Variants in SIL1 observed in about 807,000 individuals in gnomAD.
SIL1 encodes SIL1 nucleotide exchange factor.
A neutral mutation model predicts 49.1 loss-of-function variants in SIL1; 40 were observed. That is an observed-to-expected ratio of 0.81 (90% CI 0.63 to 1.06). The LOEUF (loss-of-function observed/expected upper bound fraction) is 1.06, where lower values mean the gene tolerates loss of function less well. SIL1 is among the 50% of genes least tolerant of loss of function. The pLI, the probability that SIL1 is intolerant of heterozygous loss-of-function variation, is 0.00. For missense variants in SIL1, 500 were observed against 572.6 expected (o/e 0.87, Z 1.29); for synonymous variants, 253 against 250.8 (o/e 1.01, Z -0.08).
chr5:139,100,341 G>T (rs1044784831), intron 3 of SIL1, among the ~76,000 whole-genome samples: 1 of 152,204 alleles, frequency 6.6e-6, no homozygotes, highest in Non-Finnish European at 1.5e-5. Context: ...ACAGCCTGAT[G>T]TGTTTAGGGA....
chr5:139,013,556 T>G (rs1768331789), intron 7 of SIL1: 1 of 148,372 alleles, frequency 6.7e-6, no homozygotes, highest in African/African-American at 2.5e-5. Flanking sequence ...ATATTTGCTT[T>G]AGAATTTCTC....
Position 138,956,828 on chromosome 5 carries a change from C to CA in SIL1, c.768-4945dup, listed in dbSNP as rs1324874861. Among the ~76,000 whole-genome samples, 19 of 150,556 alleles carry CA rather than the reference C, an allele frequency of 1.3e-4. No homozygotes were observed. The East Asian group carries it at 1.6e-3, about 12-fold the overall frequency. On this transcript the variant is annotated intron_variant, in intron 7 of 9. Transcript: ENST00000394817. ...CAACAACAAAAAACAAAAAACAAAA[C>CA]AAAAAAAACACTGTACAAATCTTCC... is the stretch of plus-strand genomic sequence containing the variant.
intron 7 of SIL1, among the ~76,000 whole-genome samples, chr5:138,954,395 C>T (rs1271127192): frequency 1.3e-5 from 2 of 152,266 alleles, no homozygotes; most frequent in East Asian, 1.9e-4. Context: ...TGCCTGGCCT[C>T]TTCACATGAT....
rs552155872 is a variant in SIL1 at position 138,947,763 on chromosome 5, A to G, written c.1030-290T>C. ...GGAGAATAAAAATTAACTAATTCCC[A>G]AATAGCATAAATGTAATCTAACAGT... On this transcript the variant is annotated intron_variant, in intron 9 of 9. Transcript: ENST00000394817. This position sits in a 1 kb window ranked among gnomAD's most constrained non-coding sequence, Gnocchi z 4.1. 6.6e-5 allele frequency among the ~76,000 whole-genome samples: 10 copies of G among 152,196 alleles called. No homozygotes were observed. The highest frequency in any genetic ancestry group is 1.3e-4 in the Admixed American group (2 of 15,276).
chr5:139,145,635 T>C (rs959300517), intron 1 of SIL1, among the ~76,000 whole-genome samples: 2 of 5,744 alleles, frequency 3.5e-4, no homozygotes, highest in Non-Finnish European at 5.5e-4. Flanking sequence ...GGGGCGTGTG[T>C]GTGTGTGTGT....
chr5:139,046,877 C>T (rs1769178208), intron 4 of SIL1, among the ~76,000 whole-genome samples: 1 of 152,224 alleles, frequency 6.6e-6, no homozygotes, highest in African/African-American at 2.4e-5. Flanking sequence ...CCAATACTTT[C>T]ATGTTTTAGA....
rs372892039 is a variant in SIL1 at position 139,120,989 on chromosome 5, T to C, written c.244+46A>G. On this transcript the variant is annotated intron_variant, in intron 3 of 9. Transcript: ENST00000394817. ...CTCTGGGGACAAAGGACATATGCAGTTTGAATTCAAAGTGTGTTTTGTGGG... is the reference window on the plus strand; with the variant it reads ...CTCTGGGGACAAAGGACATATGCAGCTTGAATTCAAAGTGTGTTTTGTGGG... The C allele has an allele frequency of 3.7e-6, 6 of 1,612,150 alleles. No individual in the cohort carries two copies. In the African/African-American group the frequency reaches 8.0e-5, roughly 22 times the overall value.
At chr5:139,005,599 C>T (rs1342463780) in intron 7 of SIL1, among the ~76,000 whole-genome samples, 2 of 99,350 alleles carry the variant, frequency 2.0e-5, no homozygotes, top group Non-Finnish European at 3.9e-5. Flanking sequence ...CTATCCCTCC[C>T]CCCTCCCCCC....
intron 1 of SIL1, among the ~76,000 whole-genome samples, chr5:139,153,031 T>C (rs1030067939): frequency 1.3e-5 from 2 of 152,230 alleles, no homozygotes; most frequent in Admixed American, 1.3e-4. Flanking sequence ...TTGGTCAGGC[T>C]GGTCTTGAAC....
chr5:138,959,275 T>G (rs533082160), intron 7 of SIL1, among the ~76,000 whole-genome samples: 4 of 152,340 alleles, frequency 2.6e-5, no homozygotes, highest in African/African-American at 4.8e-5. Flanking sequence ...AAATGCCACA[T>G]GTGATTCCTA....
At chr5:139,039,721 A>G (rs1768996889) in intron 5 of SIL1, among the ~76,000 whole-genome samples, 1 of 152,214 alleles carries the variant, frequency 6.6e-6, no homozygotes, top group African/African-American at 2.4e-5. Context: ...ATAGGGAGAA[A>G]TAAGTCTATT....
At chr5:139,173,793 A>C (rs1040321915) in intron 1 of SIL1, among the ~76,000 whole-genome samples, 1 of 136,330 alleles carries the variant, frequency 7.3e-6, no homozygotes, top group African/African-American at 3.0e-5. Context: ...AAAAATACAA[A>C]AAAAAAAAAA....
chr5:139,073,611 T>C (rs1246350361), intron 3 of SIL1, among the ~76,000 whole-genome samples: 1 of 152,034 alleles, frequency 6.6e-6, no homozygotes, highest in Non-Finnish European at 1.5e-5. Context: ...AGGAATAAAT[T>C]CAAGAGATCT....
intron 3 of SIL1, among the ~76,000 whole-genome samples, chr5:139,114,013 C>G (rs1020497089): frequency 4.6e-5 from 7 of 152,210 alleles, no homozygotes; most frequent in Admixed American, 1.3e-4. Flanking sequence ...CTTCAGGGTG[C>G]ATGTTAAGCA....
At chr5:138,995,484 G>T (rs1356205257) in intron 7 of SIL1, among the ~76,000 whole-genome samples, 1 of 151,912 alleles carries the variant, frequency 6.6e-6, no homozygotes, top group South Asian at 2.1e-4. Flanking sequence ...CAGGTGATCC[G>T]CCCACCTTGG....
intron 1 of SIL1, among the ~76,000 whole-genome samples, chr5:139,181,277 C>G (rs949997341): frequency 1.3e-5 from 2 of 152,206 alleles, no homozygotes; most frequent in African/African-American, 4.8e-5. Flanking sequence ...GGTTCACCCA[C>G]CATGCCTCTA....
chr5:139,053,457 A>G (rs1387535199), intron 3 of SIL1, among the ~76,000 whole-genome samples: 1 of 152,184 alleles, frequency 6.6e-6, no homozygotes, highest in Non-Finnish European at 1.5e-5. Context: ...CTGTTCTTTA[A>G]AGCGAATGAT....
chr5:139,050,895 A>G (rs1367529545), intron 4 of SIL1, 43 bp downstream of exon 4: 1 of 1,501,878 alleles, frequency 6.7e-7, no homozygotes, highest in East Asian at 2.3e-5. Context: ...TACAAAATCA[A>G]CGTTATCACT....
At chr5:138,997,978 CTT>C (rs1203216705) in intron 7 of SIL1, among the ~76,000 whole-genome samples, 1 of 152,150 alleles carries the variant, frequency 6.6e-6, no homozygotes, top group East Asian at 1.9e-4. Flanking sequence ...AGAATCGTCT[CTT>C]TTATTTCTCT....
Sources: allele counts gnomAD v4.1 joint callset (sites outside exome capture counted in the v4.1 genomes callset), GRCh38; gene constraint gnomAD v4.1.1; non-coding constraint Gnocchi (gnomAD v3.1); transcripts MANE v1.5; gene names NCBI Gene and HGNC (gene_info 2026-07-23, HGNC 2026-07-21).